The following CUL3 variants were observed in gnomAD, a reference collection of about 807,000 sequenced individuals.
CUL3 encodes cullin-3.
In CUL3, 19 loss-of-function variants were observed where a neutral mutation model predicts 89.1. That is an observed-to-expected ratio of 0.21 (90% CI 0.15 to 0.31). The LOEUF is 0.31. Among genes scored for constraint, CUL3 ranks in the 10% least tolerant of loss-of-function variants. CUL3 has a pLI of 1.00. For missense variants in CUL3, 469 were observed against 942.3 expected, an observed-to-expected ratio of 0.50 and a Z score of 6.58; for synonymous variants, 351 against 308.4, an observed-to-expected ratio of 1.14 and a Z score of -1.45.
At chr2:224,484,949 G>A (rs539336420) in intron 13 of CUL3, among the ~76,000 whole-genome samples, 4 of 152,260 alleles carry the variant, frequency 2.6e-5, no homozygotes, top group South Asian at 4.1e-4. Flanking sequence ...ATCTCAATGG[G>A]ACTGGTTAGA....
At chr2:224,513,746 C>T in intron 4 of CUL3, 108 bp from the exon 5 acceptor site, 3 of 724,524 alleles carry the variant, frequency 4.1e-6, no homozygotes, top group Non-Finnish European at 6.7e-6. Flanking sequence ...TTAACTCTTA[C>T]TGAAGTGACC....
At chr2:224,479,800 T>A (rs1399311623) in intron 14 of CUL3, 1 of 152,220 alleles carries the variant, frequency 6.6e-6, no homozygotes, top group African/African-American at 2.4e-5. Flanking sequence ...TTCACTTTCT[T>A]TGTGGATTTG....
intron 3 of CUL3, among the ~76,000 whole-genome samples, chr2:224,516,391 A>G (rs1331793836): frequency 6.9e-6 from 1 of 143,970 alleles, no homozygotes; most frequent in Non-Finnish European, 1.5e-5. Flanking sequence ...ACCTTGGCTC[A>G]CTGTGAACTC....
rs768315816 is a variant in CUL3, at chr2:224,478,184, A to G, written c.2175+16T>C. ...ACTGTTTTTTCTATATTAGCCCAGT[A>G]GTGAAGAGTCCTCACCTCCGCTACT... is the stretch of plus-strand genomic sequence containing the variant. On this transcript the variant is annotated intron_variant, in intron 15 of 15. Transcript: ENST00000264414. The G allele has an allele frequency of 5.6e-6, 9 of 1,600,118 alleles. No individual in the cohort carries two copies. In the South Asian group the frequency reaches 1.0e-4, roughly 18 times the overall value.
intron 2 of CUL3, among the ~76,000 whole-genome samples, chr2:224,542,691 G>A (rs1379653558): frequency 6.6e-6 from 1 of 152,166 alleles, no homozygotes; most frequent in Non-Finnish European, 1.5e-5. Flanking sequence ...TTATACGCAT[G>A]AGTCACCGTG....
At chr2:224,528,527 C>T (rs1191715716) in intron 3 of CUL3, among the ~76,000 whole-genome samples, 2 of 150,768 alleles carry the variant, frequency 1.3e-5, no homozygotes, top group African/African-American at 2.5e-5. Context: ...GGACATATTT[C>T]GGGATTAGGG....
chr2:224,564,516 T>C (rs574330801), intron 1 of CUL3, among the ~76,000 whole-genome samples: 4 of 152,338 alleles, frequency 2.6e-5, no homozygotes, highest in South Asian at 2.1e-4. Context: ...ATAGTTATAA[T>C]TGTTTTACTT....
At chr2:224,474,494 G>C (rs1278916188) in intron 15 of CUL3, 118 bp from the exon 16 acceptor site, 1 of 789,176 alleles carries the variant, frequency 1.3e-6, no homozygotes, top group African/African-American at 1.7e-5. Flanking sequence ...GATTACCAAA[G>C]ATAAAAGCAC....
intron 1 of CUL3, 148 bp from the exon 2 acceptor site, chr2:224,558,004 C>A: frequency 1.8e-6 from 1 of 542,312 alleles, no homozygotes; most frequent in Non-Finnish European, 3.2e-6. Context: ...CATTAACAAC[C>A]TATTTTAACA....
intron 2 of CUL3, among the ~76,000 whole-genome samples, chr2:224,543,714 G>A (rs980980622): frequency 4.6e-5 from 7 of 152,286 alleles, no homozygotes; most frequent in African/African-American, 1.7e-4. Context: ...TGGTGTGGCG[G>A]CTCAATGCCT....
chr2:224,500,261 T>C (rs1692328681), intron 11 of CUL3, 102 bp downstream of exon 11: 3 of 1,337,620 alleles, frequency 2.2e-6, no homozygotes, highest in Non-Finnish European at 3.1e-6. Context: ...AGGTAATAAA[T>C]GGAATACATT....
At chr2:224,545,863 C>A (rs559810200) in intron 2 of CUL3, among the ~76,000 whole-genome samples, 87 of 152,274 alleles carry the variant, frequency 5.7e-4, no homozygotes, top group African/African-American at 2.1e-3. Context: ...CAATTTCATA[C>A]ATAAAGATAA....
At chr2:224,505,885 T>C (rs1414628453) in intron 8 of CUL3, 71 bp downstream of exon 8, 14 of 1,018,976 alleles carry the variant, frequency 1.4e-5, no homozygotes, top group Non-Finnish European at 1.9e-5. Flanking sequence ...CTGTGAAATG[T>C]CCTAATTTTA....
intron 3 of CUL3, among the ~76,000 whole-genome samples, chr2:224,535,247 C>T (rs1482711942): frequency 2.6e-5 from 4 of 152,124 alleles, no homozygotes; most frequent in Non-Finnish European, 5.9e-5. Flanking sequence ...AGTGCAGTGG[C>T]ACGATCTTGG....
chr2:224,474,325 T>C lies in CUL3; in HGVS notation c.2227A>G (p.Lys743Glu). 6.2e-7 allele frequency: 1 copy of C among 1,614,042 alleles called. No homozygotes were observed. The highest frequency in any genetic ancestry group is 8.5e-7 in the Non-Finnish European group (1 of 1,179,920). ...RFLPSPVVIK[K>E]RIEGLIEREY... ...CTCTCAATAAGTCCTTCAATACGTT[T>C]CTTAATAACAACTGGACTTGGTAAG... Residue 743 changes from lysine to glutamate, a missense_variant, in exon 16 of 16, where the codon AAA becomes GAA. Lys to Glu is a moderately conservative substitution (Grantham distance 56). Around this residue, in one of 4 missense-constraint regions of CUL3, gnomAD observed 65 missense variants for 147.8 expected, o/e 0.44. Transcript: ENST00000264414.
At chr2:224,503,971 G>A (rs978130187) in intron 8 of CUL3, 149 bp from the exon 9 acceptor site, 2 of 579,522 alleles carry the variant, frequency 3.5e-6, no homozygotes, top group African/African-American at 3.8e-5. Context: ...TTGAGAAAGT[G>A]TCTCCTACTT....
At chr2:224,581,885 CA>C (rs922882595) in intron 1 of CUL3, among the ~76,000 whole-genome samples, 26 of 152,066 alleles carry the variant, frequency 1.7e-4, no homozygotes, top group African/African-American at 6.3e-4. Context: ...ATCCAAACAA[CA>C]GATGTAAAAT....
intron 2 of CUL3, among the ~76,000 whole-genome samples, chr2:224,549,820 A>G (rs184975578): frequency 1.3e-5 from 2 of 152,208 alleles, no homozygotes; most frequent in East Asian, 3.9e-4. Flanking sequence ...TAAATTTAAA[A>G]CCGTGCTTTA....
chr2:224,516,998 C>T (rs13412619), intron 3 of CUL3, among the ~76,000 whole-genome samples: 1 of 152,114 alleles, frequency 6.6e-6, no homozygotes, highest in Non-Finnish European at 1.5e-5. Context: ...ACTGTCATAA[C>T]TAATCGTGTT....
Sources: allele counts gnomAD v4.1 joint callset (sites outside exome capture counted in the v4.1 genomes callset), GRCh38; gene constraint gnomAD v4.1.1; regional missense constraint gnomAD v4.1.1; transcripts MANE v1.5; gene names NCBI Gene and HGNC (gene_info 2026-07-23, HGNC 2026-07-21).